The following DTNA variants were observed in gnomAD, a reference collection of about 807,000 sequenced individuals.
The protein encoded by DTNA is dystrophin-related protein 3.
Under a neutral mutation model 100.7 loss-of-function variants are expected in DTNA, and 43 were observed. The observed-to-expected ratio is 0.43, with a 90% CI of 0.33 to 0.55. The LOEUF (loss-of-function observed/expected upper bound fraction) is 0.55, where lower values mean the gene tolerates loss of function less well. DTNA is among the 20% of genes least tolerant of loss of function. DTNA has a pLI of 0.04. For missense variants in DTNA, 798 were observed against 953.9 expected (o/e 0.84, Z 2.15); for synonymous variants, 349 against 347.9 (o/e 1.00, Z -0.04).
At chr18:34,668,687 A>G (rs1200603454) in intron 1 of DTNA, among the ~76,000 whole-genome samples, 2 of 151,998 alleles carry the variant, frequency 1.3e-5, no homozygotes, top group Non-Finnish European at 2.9e-5. Flanking sequence ...TTATGTACCC[A>G]GTAGTCATTC....
At chr18:34,752,759 C>T (rs1258001197) in intron 1 of DTNA, among the ~76,000 whole-genome samples, 1 of 151,986 alleles carries the variant, frequency 6.6e-6, no homozygotes, top group African/African-American at 2.4e-5. Context: ...GAATTAATAC[C>T]TATTGTGTAA....
intron 1 of DTNA, among the ~76,000 whole-genome samples, chr18:34,542,000 C>T (rs145842211): frequency 2.4e-4 from 37 of 152,048 alleles, no homozygotes; most frequent in African/African-American, 7.5e-4. Context: ...AGGGAGACTC[C>T]AGGGGCAGTG....
intron 12 of DTNA, 150 bp from the exon 13 acceptor site, chr18:34,838,595 G>T (rs2096203658): frequency 1.4e-6 from 1 of 699,538 alleles, no homozygotes; most frequent in African/African-American, 1.8e-5. Context: ...GATTTCACTT[G>T]TGTTTTTCAT....
At chr18:34,800,938 G>A (rs2095184636) in intron 4 of DTNA, among the ~76,000 whole-genome samples, 2 of 152,106 alleles carry the variant, frequency 1.3e-5, no homozygotes, top group Non-Finnish European at 2.9e-5. Flanking sequence ...AAATCAGTAT[G>A]TCTCTTTATA....
chr18:34,560,708 C>T (rs1176009147), intron 1 of DTNA, among the ~76,000 whole-genome samples: 1 of 152,096 alleles, frequency 6.6e-6, no homozygotes, highest in Non-Finnish European at 1.5e-5. Context: ...GAATTGGAGA[C>T]CAGCCTGGGC....
chr18:34,726,075 C>A (rs1424421260), intron 1 of DTNA, among the ~76,000 whole-genome samples: 7 of 152,026 alleles, frequency 4.6e-5, no homozygotes, highest in Non-Finnish European at 8.8e-5. Flanking sequence ...AGGGAGGGAA[C>A]GTCACACACC....
chr18:34,772,051 C>A (rs961594621), intron 3 of DTNA, among the ~76,000 whole-genome samples: 1 of 152,016 alleles, frequency 6.6e-6, no homozygotes, highest in Non-Finnish European at 1.5e-5. Context: ...TCAGAAATAT[C>A]TAATCCCTCC....
At chr18:34,872,148 G>A (rs1253556589) in intron 17 of DTNA, among the ~76,000 whole-genome samples, 2 of 152,196 alleles carry the variant, frequency 1.3e-5, no homozygotes, top group Non-Finnish European at 2.9e-5. Flanking sequence ...CCCACAGAAA[G>A]GAGTAGCAAA....
intron 17 of DTNA, chr18:34,866,737 C>T (rs1462601534): frequency 2.0e-5 from 20 of 989,402 alleles, no homozygotes; most frequent in Non-Finnish European, 2.4e-5. Flanking sequence ...TGACTATTCA[C>T]GTCCCATCTT....
At chr18:34,821,680 A>C in intron 9 of DTNA, among the ~76,000 whole-genome samples, 1 of 152,194 alleles carries the variant, frequency 6.6e-6, no homozygotes, top group East Asian at 1.9e-4. Flanking sequence ...GCTTCTATGC[A>C]CAATTAGATG....
intron 1 of DTNA, among the ~76,000 whole-genome samples, chr18:34,718,066 C>T (rs927680052): frequency 1.3e-5 from 2 of 152,160 alleles, no homozygotes; most frequent in Admixed American, 1.3e-4. Context: ...ACTGATTTAT[C>T]TTTTAAGCCC....
chr18:34,597,040 C>T (rs547081064), intron 1 of DTNA, among the ~76,000 whole-genome samples: 11 of 152,182 alleles, frequency 7.2e-5, no homozygotes, highest in African/African-American at 2.6e-4. Flanking sequence ...GTGTGATGTT[C>T]CCCTCCCTGT....
At chr18:34,563,573 T>C (rs2046824809) in intron 1 of DTNA, among the ~76,000 whole-genome samples, 1 of 152,248 alleles carries the variant, frequency 6.6e-6, no homozygotes, top group South Asian at 2.1e-4. Flanking sequence ...CATTAAAATG[T>C]GCTTTGTAAA....
intron 3 of DTNA, among the ~76,000 whole-genome samples, chr18:34,786,620 TACAC>T (rs148607514): frequency 1.3e-5 from 2 of 151,314 alleles, no homozygotes; most frequent in African/African-American, 4.9e-5. Flanking sequence ...CGCATGGATA[TACAC>T]ACACACACAC....
upstream of DTNA, among the ~76,000 whole-genome samples, chr18:34,708,868 A>G (rs561609729): frequency 2.0e-5 from 3 of 152,316 alleles, no homozygotes; most frequent in East Asian, 5.8e-4. Context: ...ATCCATTTCC[A>G]TTCCTTGTTA....
At chr18:34,839,981 A>T in intron 13 of DTNA, among the ~76,000 whole-genome samples, 1 of 151,222 alleles carries the variant, frequency 6.6e-6, no homozygotes, top group Non-Finnish European at 1.5e-5. Flanking sequence ...TTGTTTCTGA[A>T]CCTCTTTCCT....
intron 1 of DTNA, among the ~76,000 whole-genome samples, chr18:34,601,712 C>G (rs553589545): frequency 1.6e-4 from 25 of 152,316 alleles, no homozygotes; most frequent in African/African-American, 5.8e-4. Context: ...CTTATCTCCA[C>G]TGAGACTTTT....
intron 1 of DTNA, among the ~76,000 whole-genome samples, chr18:34,738,717 G>A (rs1051341602): frequency 6.6e-6 from 1 of 152,202 alleles, no homozygotes; most frequent in African/African-American, 2.4e-5. Flanking sequence ...GCGTGACGGT[G>A]AGGAATGCCA....
intron 1 of DTNA, among the ~76,000 whole-genome samples, chr18:34,646,316 C>T (rs911067575): frequency 1.3e-5 from 2 of 152,118 alleles, no homozygotes; most frequent in African/African-American, 4.8e-5. Flanking sequence ...TAGATGTAAG[C>T]ATTTTAACTT....
Sources: allele counts gnomAD v4.1 joint callset (sites outside exome capture counted in the v4.1 genomes callset), GRCh38; gene constraint gnomAD v4.1.1; transcripts MANE v1.5; gene names NCBI Gene and HGNC (gene_info 2026-07-23, HGNC 2026-07-21).